The following MGAM2 variants were observed in gnomAD, a reference collection of about 807,000 sequenced individuals.
The protein encoded by MGAM2 is probable maltase-glucoamylase 2.
MGAM2 carries 98 observed loss-of-function variants against 96.1 expected under a neutral mutation model. The ratio of observed to expected loss-of-function variants is 1.02; its 90% CI spans 0.87 to 1.21. MGAM2 has a LOEUF of 1.21. Among genes scored for constraint, MGAM2 ranks in the 50% most tolerant of loss-of-function variants. The probability of loss-of-function intolerance (pLI) is 0.00; values close to 1 mark genes in which losing one functional copy is unlikely to be tolerated. For missense variants in MGAM2, 2,055 were observed against 1,182.4 expected, an observed-to-expected ratio of 1.74 and a Z score of -10.82; for synonymous variants, 749 against 414.8, an observed-to-expected ratio of 1.81 and a Z score of -9.79.
At chr7:142,163,816 T>C (rs1052452776) in intron 23 of MGAM2, among the ~76,000 whole-genome samples, 11 of 152,342 alleles carry the variant, frequency 7.2e-5, no homozygotes, top group African/African-American at 2.4e-4. Flanking sequence ...CATTGTGTTT[T>C]TAATTTGTAT....
chr7:142,143,960 T>G (rs1340159622), intron 13 of MGAM2, 78 bp downstream of exon 13: 1 of 681,648 alleles, frequency 1.5e-6, no homozygotes, highest in African/African-American at 1.8e-5. Context: ...GACCTTGATG[T>G]CAAATAAATG....
At chr7:142,176,324 G>T (rs1162217084) in intron 32 of MGAM2, among the ~76,000 whole-genome samples, 1 of 152,156 alleles carries the variant, frequency 6.6e-6, no homozygotes, top group African/African-American at 2.4e-5. Context: ...CTTGACAAAT[G>T]CAGAGGCAAT....
intron 37 of MGAM2, among the ~76,000 whole-genome samples, chr7:142,195,752 T>C (rs549557468): frequency 6.6e-6 from 1 of 152,268 alleles, no homozygotes; most frequent in Admixed American, 6.5e-5. Context: ...CTAACTTCTC[T>C]GAATCTTAGC....
intron 7 of MGAM2, among the ~76,000 whole-genome samples, chr7:142,134,520 G>C (rs951383365): frequency 3.3e-5 from 5 of 152,088 alleles, no homozygotes; most frequent in African/African-American, 4.8e-5. Context: ...GAACTTGGTG[G>C]ACTAAAAATG....
chr7:142,215,089 G>A (rs1000389059), intron 46 of MGAM2, among the ~76,000 whole-genome samples: 2 of 152,118 alleles, frequency 1.3e-5, no homozygotes, highest in Non-Finnish European at 2.9e-5. Context: ...AAGAAAATGT[G>A]GCACATATAT....
chr7:142,123,062 T>G (rs1019095786), intron 3 of MGAM2, among the ~76,000 whole-genome samples: 3 of 152,126 alleles, frequency 2.0e-5, no homozygotes, highest in South Asian at 2.1e-4. Flanking sequence ...GACCTTGTAA[T>G]CCACCCCCTT....
chr7:142,218,562 A>G (rs1159859867), intron 47 of MGAM2, 31 bp downstream of exon 47: 2 of 567,766 alleles, frequency 3.5e-6, no homozygotes, highest in Non-Finnish European at 6.3e-6. Context: ...AGCATATCAC[A>G]AGTAAATTTT....
intron 7 of MGAM2, among the ~76,000 whole-genome samples, chr7:142,136,245 A>G (rs1795057472): frequency 6.6e-6 from 1 of 152,138 alleles, no homozygotes; most frequent in East Asian, 1.9e-4. Context: ...CATACAATAT[A>G]TGGTTGTTTG....
At chr7:142,149,672 C>G (rs891877375) in intron 15 of MGAM2, among the ~76,000 whole-genome samples, 2 of 151,928 alleles carry the variant, frequency 1.3e-5, no homozygotes, top group Admixed American at 1.3e-4. Flanking sequence ...TCCCAAGTAG[C>G]TGGGACTACA....
At chr7:142,149,596 A>T (rs1016607891) in intron 15 of MGAM2, among the ~76,000 whole-genome samples, 7 of 151,734 alleles carry the variant, frequency 4.6e-5, no homozygotes, top group Non-Finnish European at 1.0e-4. Flanking sequence ...GCTGGAGTGC[A>T]GTGGTGCGAT....
At chr7:142,120,953 G>A (rs1434198771) in intron 3 of MGAM2, among the ~76,000 whole-genome samples, 1 of 152,108 alleles carries the variant, frequency 6.6e-6, no homozygotes, top group African/African-American at 2.4e-5. Context: ...CTGATTAGTT[G>A]TGACTTAGGA....
Position 142,166,208 on chromosome 7 carries a change from A to T in MGAM2, c.2763A>T (p.Pro921=), listed in dbSNP as rs1268326806. 1 of 702,562 alleles carries T rather than the reference A, an allele frequency of 1.4e-6. No individual in the cohort carries two copies. Among genetic ancestry groups the T allele is most frequent in the African/African-American group, 1.7e-5 (1 of 57,272 alleles). 43.5% of individuals were successfully genotyped at this position (702,562 alleles called of 1,614,324 possible). Residue 921 remains proline, a synonymous_variant, in exon 25 of 48, where the codon CCA becomes CCT. Transcript: ENST00000477922. Reference sequence around the variant, plus strand: ...AGTTCAACTGCTACCCTGATGATCCAACAGCCTCTGAGGAGAGTTGTAGGC... The same window carrying T: ...AGTTCAACTGCTACCCTGATGATCCTACAGCCTCTGAGGAGAGTTGTAGGC... ...LEKFNCYPDD[P]TASEESCRQR...
intron 23 of MGAM2, 59 bp from the exon 24 acceptor site, chr7:142,164,797 G>C (rs1234507720): frequency 1.7e-6 from 1 of 599,490 alleles, no homozygotes; most frequent in Non-Finnish European, 2.9e-6. Context: ...ACTGGTATTT[G>C]GGGATAATAA....
At chr7:142,127,970 C>T (rs977507741) in intron 3 of MGAM2, among the ~76,000 whole-genome samples, 2 of 152,068 alleles carry the variant, frequency 1.3e-5, no homozygotes, top group Non-Finnish European at 2.9e-5. Context: ...GAGGTTGGAA[C>T]AGTTTGAAAG....
At chr7:142,136,055 A>G (rs1003697934) in intron 7 of MGAM2, among the ~76,000 whole-genome samples, 2 of 152,192 alleles carry the variant, frequency 1.3e-5, no homozygotes, top group Non-Finnish European at 2.9e-5. Context: ...CTTTGAGCAC[A>G]TATACTGAGT....
chr7:142,131,042 C>A lies in MGAM2; in HGVS notation c.281C>A (p.Ala94Asp). ...CFFPWNWGYE[A>D]SNGHTNTSTG... Reference sequence around the variant, plus strand: ...TTCCCCTGGAACTGGGGCTATGAAGCCAGCAATGGCCATACAAATACAAGC... The same window carrying A: ...TTCCCCTGGAACTGGGGCTATGAAGACAGCAATGGCCATACAAATACAAGC... Residue 94 changes from alanine to aspartate, a missense_variant, in exon 4 of 48, where the codon GCC becomes GAC. Ala to Asp is a moderately radical substitution (Grantham distance 126). Coordinates refer to ENST00000477922, the MANE Select transcript of MGAM2 (RefSeq NM_001293626.2). 1 of 702,582 alleles carries A rather than the reference C, an allele frequency of 1.4e-6. No homozygotes were observed. Among genetic ancestry groups the A allele is most frequent in the Admixed American group, 2.0e-5 (1 of 50,002 alleles). The allele number at this position is 702,582 out of a possible 1,614,324, so 43.5% of individuals were successfully genotyped here.
At chr7:142,197,158 G>A (rs1335996437) in intron 40 of MGAM2, among the ~76,000 whole-genome samples, 1 of 152,112 alleles carries the variant, frequency 6.6e-6, no homozygotes, top group Admixed American at 6.5e-5. Flanking sequence ...ACCTCTCTCT[G>A]TACACATGTA....
At chr7:142,186,883 T>C (rs1418706615) in intron 35 of MGAM2, among the ~76,000 whole-genome samples, 1 of 151,654 alleles carries the variant, frequency 6.6e-6, no homozygotes, top group Non-Finnish European at 1.5e-5. Flanking sequence ...ACAAATTAAC[T>C]CAAACAGGCA....
At chr7:142,215,714 C>T (rs906986915) in intron 46 of MGAM2, among the ~76,000 whole-genome samples, 5 of 146,524 alleles carry the variant, frequency 3.4e-5, no homozygotes, top group South Asian at 4.4e-4. Context: ...GCCGAGATCG[C>T]GCCATTGCAC....
Sources: allele counts gnomAD v4.1 joint callset (sites outside exome capture counted in the v4.1 genomes callset), GRCh38; gene constraint gnomAD v4.1.1; transcripts MANE v1.5; gene names NCBI Gene and HGNC (gene_info 2026-07-23, HGNC 2026-07-21).